RGS17: variants seen among roughly 807,000 people sequenced by gnomAD.
The protein encoded by RGS17 is regulator of G-protein signaling 17.
RGS17 carries 12 observed loss-of-function variants against 25.5 expected under a neutral mutation model. The observed-to-expected ratio is 0.47, with a 90% confidence interval of 0.30 to 0.76. The LOEUF (loss-of-function observed/expected upper bound fraction) is 0.76. Among genes scored for constraint, RGS17 ranks in the 30% least tolerant of loss-of-function variants. The pLI, the probability that RGS17 is intolerant of heterozygous loss-of-function variation, is 0.07. For missense variants in RGS17, 196 were observed against 242.2 expected (o/e 0.81, Z 1.27); for synonymous variants, 71 against 76.9 (o/e 0.92, Z 0.40).
intron 1 of RGS17, among the ~76,000 whole-genome samples, chr6:153,053,503 T>C (rs1776490080): frequency 6.6e-6 from 1 of 152,136 alleles, no homozygotes; most frequent in African/African-American, 2.4e-5. Flanking sequence ...TACAGTTACA[T>C]GAATTTGGTA....
chr6:153,055,779 C>T (rs898262866), intron 1 of RGS17, among the ~76,000 whole-genome samples: 7 of 152,106 alleles, frequency 4.6e-5, no homozygotes, highest in Non-Finnish European at 8.8e-5. Context: ...GAAGGTTTTT[C>T]ATTGTCGTGC....
At chr6:153,016,146 G>A (rs1455810101) in intron 4 of RGS17, among the ~76,000 whole-genome samples, 3 of 152,096 alleles carry the variant, frequency 2.0e-5, no homozygotes, top group Non-Finnish European at 2.9e-5. Context: ...GAAATGAATT[G>A]TTCAGTTTTT....
intron 2 of RGS17, among the ~76,000 whole-genome samples, chr6:153,035,727 A>G (rs1021143312): frequency 6.6e-6 from 1 of 152,212 alleles, no homozygotes; most frequent in African/African-American, 2.4e-5. Context: ...TGGAAAATGA[A>G]TAATTTGCTT....
Position 153,052,824 on chromosome 6 carries a change from T to C in RGS17, c.-25-8781A>G, listed in dbSNP as rs908739164. ...ATGTTGAAATCTAATCTCAGGGTGA[T>C]ATTAAGAGGTGGGGCCTATGGACGG... On this transcript the variant is annotated intron_variant, in intron 1 of 4. Coordinates refer to ENST00000206262, the MANE Select transcript of RGS17 (RefSeq NM_012419.5). 2.0e-5 allele frequency among the ~76,000 whole-genome samples: 3 copies of C among 152,094 alleles called. 1 individual carries two copies. Among genetic ancestry groups the C allele is most frequent in the Admixed American group, 2.0e-4 (3 of 15,270 alleles).
At position 153,005,842 on chromosome 6, in the gene RGS17, G is replaced by A. The variant is rs1262433945; in HGVS notation, c.*5732C>T. The A allele has an allele frequency of 2.0e-5, 3 of 152,104 alleles. No individual in the cohort carries two copies. In the East Asian group the frequency reaches 5.8e-4, roughly 29 times the overall value. 9.4% of individuals were successfully genotyped at this position (152,104 alleles called of 1,614,324 possible). On this transcript the variant is annotated 3_prime_UTR_variant, in exon 5 of 5. Transcript: ENST00000206262. Reference sequence around the variant, plus strand: ...TGAATGGGATCCTGGGACAGAAAAAGGACATTAGGTTATAAACTAAGGAAA... The same window carrying A: ...TGAATGGGATCCTGGGACAGAAAAAAGACATTAGGTTATAAACTAAGGAAA...
chr6:153,044,374 C>CT (rs946546749), intron 1 of RGS17, among the ~76,000 whole-genome samples: 2 of 151,978 alleles, frequency 1.3e-5, no homozygotes, highest in Non-Finnish European at 2.9e-5. Context: ...TTAAATCTGC[C>CT]TTTTTTATGG....
At chr6:153,017,180 G>A (rs1363374799) in intron 4 of RGS17, among the ~76,000 whole-genome samples, 1 of 152,132 alleles carries the variant, frequency 6.6e-6, no homozygotes, top group East Asian at 1.9e-4. Flanking sequence ...AGCATGATAG[G>A]TTTGACCGCA....
intron 1 of RGS17, among the ~76,000 whole-genome samples, chr6:153,059,987 G>A (rs1383551013): frequency 1.3e-5 from 2 of 152,118 alleles, no homozygotes; most frequent in Admixed American, 1.3e-4. Flanking sequence ...GTCTCAATCT[G>A]CATGTTAACA....
intron 1 of RGS17, among the ~76,000 whole-genome samples, chr6:153,107,679 G>A (rs555709000): frequency 4.4e-4 from 67 of 152,284 alleles, no homozygotes; most frequent in Non-Finnish European, 8.1e-4. Flanking sequence ...AGTCTTAGCT[G>A]TAAAAATATC....
At chr6:153,040,077 A>ATGCCCTGGATTTGGGCATCCATTCCT (rs35364459) in intron 2 of RGS17, among the ~76,000 whole-genome samples, 105,528 of 151,880 alleles carry the variant, frequency 0.69, 37,363 homozygotes, top group African/African-American at 0.83. Context: ...TGTCCATTTT[A>ATGCCCTGGATTTGGGCATCCATTCCT]TGTGTATTTA....
intron 1 of RGS17, among the ~76,000 whole-genome samples, chr6:153,069,617 T>C (rs1776757004): frequency 6.6e-6 from 1 of 152,120 alleles, no homozygotes; most frequent in African/African-American, 2.4e-5. Context: ...AAGAGTATAA[T>C]TGGATAGTTT....
At position 153,009,281 on chromosome 6, in the gene RGS17, C is replaced by T. The variant is rs1484272117; in HGVS notation, c.*2293G>A. 6.6e-6 allele frequency: 1 copy of T among 152,104 alleles called. No individual in the cohort carries two copies. Among genetic ancestry groups the T allele is most frequent in the African/African-American group, 2.4e-5 (1 of 41,452 alleles). 9.4% of individuals were successfully genotyped at this position (152,104 alleles called of 1,614,324 possible). Reference sequence around the variant, plus strand: ...CTACATTTAAAAAGATGGATGCATGCAGTGTATCACAGTATATTACATATT... The same window carrying T: ...CTACATTTAAAAAGATGGATGCATGTAGTGTATCACAGTATATTACATATT... On this transcript the variant is annotated 3_prime_UTR_variant, in exon 5 of 5. Transcript: ENST00000206262.
In RGS17 at chr6:153,008,469, C is replaced by T. The variant is rs1351830170; in HGVS notation, c.*3105G>A. On this transcript the variant is annotated 3_prime_UTR_variant, in exon 5 of 5. Coordinates refer to ENST00000206262, the MANE Select transcript of RGS17 (RefSeq NM_012419.5). ...CTACTACCTTTGGATAACATCATAA[C>T]AGCCCGAGTAAAGAAGTGCCATCCA... is the stretch of plus-strand genomic sequence containing the variant. 1 of 152,206 alleles carries T rather than the reference C, an allele frequency of 6.6e-6. No homozygotes were observed. The highest frequency in any genetic ancestry group is 1.5e-5 in the Non-Finnish European group (1 of 68,032). 9.4% of individuals were successfully genotyped at this position (152,206 alleles called of 1,614,324 possible).
intron 1 of RGS17, among the ~76,000 whole-genome samples, chr6:153,106,130 G>A (rs9479509): frequency 0.32 from 48,979 of 151,694 alleles, 8,316 homozygotes; most frequent in East Asian, 0.59. Flanking sequence ...GGTCAAGGTC[G>A]ACTCCTGGGG....
chr6:153,038,099 G>A (rs1319098677), intron 2 of RGS17, among the ~76,000 whole-genome samples: 1 of 152,160 alleles, frequency 6.6e-6, no homozygotes, highest in East Asian at 1.9e-4. Context: ...GTCAGCTTTG[G>A]CTGAAATTTG....
In RGS17 at chr6:153,095,101, T is replaced by C. The variant is rs370304681; in HGVS notation, c.-26+36023A>G. Among the ~76,000 whole-genome samples the C allele has an allele frequency of 3.2e-4, 49 of 152,276 alleles. 8 individuals are homozygous for C. Among genetic ancestry groups the C allele is most frequent in the Admixed American group, 2.1e-3 (32 of 15,288 alleles). On this transcript the variant is annotated intron_variant, in intron 1 of 4. Coordinates refer to ENST00000206262, the MANE Select transcript of RGS17 (RefSeq NM_012419.5). ...CGGGAATTTCTGAAAGAGTCATGTT[T>C]TTAAGAAAATAATTTGGGAAAAATA...
At chr6:153,118,239 T>G (rs1777570987) in intron 1 of RGS17, among the ~76,000 whole-genome samples, 2 of 152,210 alleles carry the variant, frequency 1.3e-5, no homozygotes, top group Non-Finnish European at 2.9e-5. Context: ...GCCCATCTGG[T>G]CTATGCCCAC....
chr6:153,083,104 G>A (rs1223133334), intron 1 of RGS17, among the ~76,000 whole-genome samples: 1 of 152,108 alleles, frequency 6.6e-6, no homozygotes, highest in Non-Finnish European at 1.5e-5. Flanking sequence ...TAGTACTCCG[G>A]AAAGACTCAA....
At chr6:153,024,203 T>G (rs1175659384) in intron 4 of RGS17, 59 bp downstream of exon 4, 1 of 1,127,376 alleles carries the variant, frequency 8.9e-7, no homozygotes, top group East Asian at 2.4e-5. Flanking sequence ...TGGACAGCCA[T>G]CCCTTGACGG....
Sources: allele counts gnomAD v4.1 joint callset (sites outside exome capture counted in the v4.1 genomes callset), GRCh38; gene constraint gnomAD v4.1.1; transcripts MANE v1.5; gene names NCBI Gene and HGNC (gene_info 2026-07-23, HGNC 2026-07-21).